The following PACS1 variants were observed in gnomAD, a reference collection of about 807,000 sequenced individuals.
PACS1 encodes the protein PACS-1.
A neutral mutation model predicts 115.0 loss-of-function variants in PACS1; 24 were observed. The ratio of observed to expected loss-of-function variants is 0.21; its 90% CI spans 0.15 to 0.29. PACS1 has a LOEUF of 0.29. PACS1 is among the 10% of genes least tolerant of loss of function. The pLI, the probability that PACS1 is intolerant of heterozygous loss-of-function variation, is 1.00. For missense variants in PACS1, 838 were observed against 1,251.2 expected, an observed-to-expected ratio of 0.67 and a Z score of 4.98; for synonymous variants, 453 against 504.5, an observed-to-expected ratio of 0.90 and a Z score of 1.37.
At chr11:66,204,835 A>G (rs1242684881) in intron 2 of PACS1, among the ~76,000 whole-genome samples, 2 of 152,120 alleles carry the variant, frequency 1.3e-5, no homozygotes, top group Non-Finnish European at 2.9e-5. Context: ...ATACAAAAAC[A>G]TAGAATGAAT....
intron 1 of PACS1, among the ~76,000 whole-genome samples, chr11:66,074,511 T>G (rs550734126): frequency 6.6e-6 from 1 of 152,232 alleles, no homozygotes; most frequent in Non-Finnish European, 1.5e-5. Flanking sequence ...GGCAGAAAAA[T>G]TACTAAATTT....
At chr11:66,084,530 G>A (rs74649356) in intron 1 of PACS1, among the ~76,000 whole-genome samples, 95 of 152,084 alleles carry the variant, frequency 6.2e-4, no homozygotes, top group African/African-American at 2.2e-3. Flanking sequence ...TCCGGTCAGG[G>A]GGCTGCTGTG....
At chr11:66,182,005 C>T (rs1860023218) in intron 1 of PACS1, among the ~76,000 whole-genome samples, 1 of 152,200 alleles carries the variant, frequency 6.6e-6, no homozygotes, top group Non-Finnish European at 1.5e-5. Flanking sequence ...GTTCACACAG[C>T]AATTCTATTT....
At chr11:66,231,936 C>T (rs934253974) in intron 13 of PACS1, 11 of 438,918 alleles carry the variant, frequency 2.5e-5, no homozygotes, top group South Asian at 2.1e-4. Flanking sequence ...GCAGGACAAC[C>T]GCTGTGGCTT....
intron 1 of PACS1, among the ~76,000 whole-genome samples, chr11:66,183,721 GTGAC>G (rs1005366567): frequency 2.6e-5 from 4 of 152,330 alleles, no homozygotes; most frequent in Non-Finnish European, 5.9e-5. Context: ...TTACAGCACC[GTGAC>G]TGCTCTGCAG....
chr11:66,226,414 A>G (rs541099611), intron 10 of PACS1, among the ~76,000 whole-genome samples: 51 of 152,326 alleles, frequency 3.3e-4, no homozygotes, highest in African/African-American at 1.2e-3. Flanking sequence ...GATTGGAGAC[A>G]TTTTTGTTTG....
chr11:66,225,372 A>G (rs966957502), intron 10 of PACS1, among the ~76,000 whole-genome samples: 9 of 152,272 alleles, frequency 5.9e-5, no homozygotes, highest in Non-Finnish European at 1.2e-4. Context: ...TGGGGGAAAA[A>G]GCCCTTTAGT....
chr11:66,175,339 T>G (rs1302432578), intron 1 of PACS1, among the ~76,000 whole-genome samples: 1 of 152,214 alleles, frequency 6.6e-6, no homozygotes, highest in Admixed American at 6.5e-5. Flanking sequence ...GTAATATGTT[T>G]GATTGTGGAT....
intron 1 of PACS1, among the ~76,000 whole-genome samples, chr11:66,115,979 T>G (rs1858297485): frequency 6.6e-6 from 1 of 152,262 alleles, no homozygotes; most frequent in African/African-American, 2.4e-5. Context: ...CTTGTTAACC[T>G]TTTAACTTAT....
rs943625051 is a variant in PACS1, at chr11:66,169,503, G to A, written c.357-23983G>A. On this transcript the variant is annotated intron_variant, in intron 1 of 23. Transcript: ENST00000320580. ...CAACCTCTGCCTCCCAGGTTCAAGCGATTCTCCTACCTCAGCCTCCTGAGT... is the reference window on the plus strand; with the variant it reads ...CAACCTCTGCCTCCCAGGTTCAAGCAATTCTCCTACCTCAGCCTCCTGAGT... Among the ~76,000 whole-genome samples, 20 of 148,714 alleles carry A rather than the reference G, an allele frequency of 1.3e-4. 2 individuals are homozygous for A. Among genetic ancestry groups the A allele is most frequent in the African/African-American group, 4.6e-4 (18 of 38,910 alleles).
At chr11:66,092,490 G>A (rs2134514676) in intron 1 of PACS1, among the ~76,000 whole-genome samples, 1 of 152,158 alleles carries the variant, frequency 6.6e-6, no homozygotes, top group Admixed American at 6.5e-5. Context: ...CACTCTGATG[G>A]TAGTTTCTTT....
chr11:66,202,742 A>AAAATATATATATATATATAT (rs1200930188), intron 2 of PACS1, among the ~76,000 whole-genome samples: 3 of 71,606 alleles, frequency 4.2e-5, no homozygotes, highest in Non-Finnish European at 7.0e-5. Context: ...AAAAAAAAAA[A>AAAATATATATATATATATAT]ATATATATAT....
At chr11:66,180,415 C>A (rs1859980491) in intron 1 of PACS1, among the ~76,000 whole-genome samples, 1 of 151,134 alleles carries the variant, frequency 6.6e-6, no homozygotes, top group Admixed American at 6.6e-5. Context: ...AGTGCAGTGG[C>A]GTGATCTCAG....
intron 2 of PACS1, among the ~76,000 whole-genome samples, chr11:66,204,146 T>C (rs560739989): frequency 5.3e-5 from 8 of 152,156 alleles, no homozygotes; most frequent in Admixed American, 2.6e-4. Context: ...CTTGTCCATC[T>C]GACAAGGGAT....
At chr11:66,149,504 G>A (rs1358942913) in intron 1 of PACS1, among the ~76,000 whole-genome samples, 1 of 151,950 alleles carries the variant, frequency 6.6e-6, no homozygotes, top group Non-Finnish European at 1.5e-5. Context: ...CCTACTGTGT[G>A]TTTCTACTTT....
intron 19 of PACS1, chr11:66,238,405 CATT>C: frequency 5.5e-6 from 5 of 916,386 alleles, no homozygotes; most frequent in Non-Finnish European, 5.3e-6. Context: ...TGCCCCATCT[CATT>C]GTTGCAACTA....
At chr11:66,150,976 G>C (rs145794343) in intron 1 of PACS1, among the ~76,000 whole-genome samples, 31 of 152,200 alleles carry the variant, frequency 2.0e-4, no homozygotes, top group Non-Finnish European at 3.8e-4. Flanking sequence ...TTACAGATGA[G>C]AGGTGCCAAA....
chr11:66,112,364 T>C (rs519911), intron 1 of PACS1, among the ~76,000 whole-genome samples: 150,196 of 152,286 alleles, frequency 0.99, 74,093 homozygotes, highest in Middle Eastern at 1. Context: ...AGGGCCTTTG[T>C]GCTTGCAGTT....
chr11:66,227,319 C>G (rs781373715), intron 10 of PACS1, among the ~76,000 whole-genome samples, 185 bp from the exon 11 acceptor site: 1 of 152,106 alleles, frequency 6.6e-6, no homozygotes, highest in Admixed American at 6.5e-5. Flanking sequence ...GATAACTGAT[C>G]CCTCCAAAAC....
Sources: allele counts gnomAD v4.1 joint callset (sites outside exome capture counted in the v4.1 genomes callset), GRCh38; gene constraint gnomAD v4.1.1; transcripts MANE v1.5; gene names NCBI Gene and HGNC (gene_info 2026-07-23, HGNC 2026-07-21).